The following PTPRA variants were observed in gnomAD, a reference collection of about 807,000 sequenced individuals.
PTPRA encodes protein tyrosine phosphatase receptor type A.
In PTPRA, 25 loss-of-function variants were observed where a neutral mutation model predicts 104.8. The ratio of observed to expected loss-of-function variants is 0.24; its 90% CI spans 0.17 to 0.33. The LOEUF (loss-of-function observed/expected upper bound fraction) is 0.33, where lower values mean the gene tolerates loss of function less well. Among genes scored for constraint, PTPRA ranks in the 10% least tolerant of loss-of-function variants. PTPRA has a pLI of 1.00. For missense variants in PTPRA, 765 were observed against 1,015.3 expected, an observed-to-expected ratio of 0.75 and a Z score of 3.35; for synonymous variants, 323 against 368.9, an observed-to-expected ratio of 0.88 and a Z score of 1.43.
chr20:2,890,515 G>A (rs1356327328), intron 1 of PTPRA, among the ~76,000 whole-genome samples: 1 of 152,174 alleles, frequency 6.6e-6, no homozygotes, highest in Non-Finnish European at 1.5e-5. Flanking sequence ...ATAAATGTTA[G>A]AAAATATAAT....
At chr20:3,027,273 A>C (rs868409302) in intron 19 of PTPRA, 76 bp downstream of exon 19, 1 of 1,390,600 alleles carries the variant, frequency 7.2e-7, no homozygotes, top group Admixed American at 1.7e-5. Context: ...CCTCCCTCCC[A>C]TACCTGCTGG....
chr20:2,886,680 T>C (rs1470188006), intron 1 of PTPRA, among the ~76,000 whole-genome samples: 1 of 122,212 alleles, frequency 8.2e-6, no homozygotes, highest in African/African-American at 2.6e-5. Context: ...CCCCCGTCTC[T>C]ACTAAAAAAA....
At chr20:3,023,196 G>A (rs1462942180) in intron 16 of PTPRA, among the ~76,000 whole-genome samples, 25 of 152,212 alleles carry the variant, frequency 1.6e-4, no homozygotes, top group Admixed American at 1.6e-3. Context: ...AGTCATCGCC[G>A]TTCTCCAGTC....
intron 3 of PTPRA, chr20:2,955,487 G>C (rs996779082): frequency 1.5e-4 from 38 of 250,038 alleles, no homozygotes; most frequent in African/African-American, 8.8e-4. Flanking sequence ...CAAGTGAGCT[G>C]CTCTCCAGTG....
chr20:2,989,934 C>G (rs2063095236), intron 9 of PTPRA, among the ~76,000 whole-genome samples: 1 of 152,018 alleles, frequency 6.6e-6, no homozygotes, highest in East Asian at 1.9e-4. Flanking sequence ...GGAGAATGGT[C>G]AGAACCCGGG....
intron 5 of PTPRA, among the ~76,000 whole-genome samples, chr20:2,970,207 T>C (rs1198284764): frequency 1.3e-5 from 2 of 152,204 alleles, no homozygotes; most frequent in Non-Finnish European, 2.9e-5. Flanking sequence ...AGTACTCTTA[T>C]AAACAATACA....
intron 2 of PTPRA, among the ~76,000 whole-genome samples, chr20:2,932,771 G>C (rs771213475): frequency 1.4e-4 from 22 of 152,202 alleles, no homozygotes; most frequent in Non-Finnish European, 5.9e-5. Flanking sequence ...GCCTGAGATA[G>C]GAATGGTGGA....
At chr20:2,984,879 T>C (rs1373737381) in intron 6 of PTPRA, among the ~76,000 whole-genome samples, 1 of 151,722 alleles carries the variant, frequency 6.6e-6, no homozygotes, top group Non-Finnish European at 1.5e-5. Flanking sequence ...TGTATATTAC[T>C]TCCTCAGAGA....
chr20:2,924,578 A>C (rs1351145122), intron 2 of PTPRA, among the ~76,000 whole-genome samples: 1 of 152,204 alleles, frequency 6.6e-6, no homozygotes, highest in Admixed American at 6.5e-5. Context: ...TACCGAGTAA[A>C]ACTAAACTAC....
chr20:3,017,097 A>G (rs1186202546), intron 12 of PTPRA, among the ~76,000 whole-genome samples: 1 of 151,900 alleles, frequency 6.6e-6, no homozygotes, highest in Non-Finnish European at 1.5e-5. Flanking sequence ...CCTACTACTG[A>G]TTTTCCTCCC....
chr20:2,909,829 G>A (rs935541645), intron 1 of PTPRA, among the ~76,000 whole-genome samples: 3 of 112,636 alleles, frequency 2.7e-5, no homozygotes, highest in African/African-American at 8.1e-5. Flanking sequence ...ATATATATTA[G>A]ATAATATATA....
chr20:2,875,480 C>T (rs2089660433), intron 1 of PTPRA, among the ~76,000 whole-genome samples: 1 of 152,164 alleles, frequency 6.6e-6, no homozygotes, highest in Non-Finnish European at 1.5e-5. Context: ...ACCCCTCTGA[C>T]TTCAGTACAT....
chr20:2,960,144 A>C (rs1258673973), intron 3 of PTPRA, among the ~76,000 whole-genome samples: 1 of 152,020 alleles, frequency 6.6e-6, no homozygotes, highest in East Asian at 1.9e-4. Flanking sequence ...GTATAATGAC[A>C]TGTGTCTACC....
At chr20:2,957,094 G>A (rs867216832) in intron 3 of PTPRA, among the ~76,000 whole-genome samples, 2 of 152,218 alleles carry the variant, frequency 1.3e-5, no homozygotes, top group African/African-American at 4.8e-5. Context: ...GACCATCCTG[G>A]CCAACACAGT....
In PTPRA at chr20:3,018,561, G is replaced by A. The variant is rs190622322; in HGVS notation, c.1041+648G>A. ...TGGGGGTAAGGTCACAGATCTACAG[G>A]ATCCCAAGGCAGAAGATTTTTTCTT... On this transcript the variant is annotated intron_variant, in intron 13 of 23. Coordinates refer to ENST00000399903, the MANE Select transcript of PTPRA (RefSeq NM_001385305.1). Among the ~76,000 whole-genome samples, 665 of 151,964 alleles carry A rather than the reference G, an allele frequency of 4.4e-3. 3 individuals are homozygous for A. Among genetic ancestry groups the A allele is most frequent in the Non-Finnish European group, 6.9e-3 (469 of 67,976 alleles).
At chr20:2,959,422 T>C (rs777845138) in intron 3 of PTPRA, among the ~76,000 whole-genome samples, 2 of 152,226 alleles carry the variant, frequency 1.3e-5, no homozygotes, top group Non-Finnish European at 2.9e-5. Flanking sequence ...TTGTGTATTT[T>C]CTTAGCTGTT....
intron 6 of PTPRA, among the ~76,000 whole-genome samples, chr20:2,978,295 T>C (rs2062525656): frequency 6.6e-6 from 1 of 152,192 alleles, no homozygotes; most frequent in African/African-American, 2.4e-5. Flanking sequence ...AAAACAACGG[T>C]GATTGGGCTC....
intron 5 of PTPRA, among the ~76,000 whole-genome samples, chr20:2,968,157 G>A (rs2062013639): frequency 6.6e-6 from 1 of 152,052 alleles, no homozygotes; most frequent in African/African-American, 2.4e-5. Flanking sequence ...TGAGAAAAGG[G>A]GTCCATGGGA....
rs1314143966 is a variant in PTPRA, at chr20:3,022,347, G to T, written c.1328+127G>T. The T allele has an allele frequency of 1.6e-6, 2 of 1,219,604 alleles. No individual in the cohort carries two copies. Among genetic ancestry groups the T allele is most frequent in the Non-Finnish European group, 2.3e-6 (2 of 870,890 alleles). 75.5% of individuals were successfully genotyped at this position (1,219,604 alleles called of 1,614,324 possible). ...GTAGATGACCTACTGGGGCACCAGC[G>T]CAACAGCCAGAGACTCCAAGTTCTA... is the stretch of plus-strand genomic sequence containing the variant. On this transcript the variant is annotated intron_variant, in intron 15 of 23. Coordinates refer to ENST00000399903, the MANE Select transcript of PTPRA (RefSeq NM_001385305.1). The surrounding 1 kb of genome is among the most constrained non-coding windows in gnomAD (Gnocchi z 4.6).
Sources: gnomAD v4.1 joint callset for allele counts (sites outside exome capture counted in the v4.1 genomes callset) on GRCh38, gnomAD v4.1.1 for gene constraint, Gnocchi (gnomAD v3.1) non-coding constraint, MANE v1.5 for transcripts, NCBI Gene and HGNC (gene_info 2026-07-23, HGNC 2026-07-21) for gene names.